Variants in ZMAT4 observed in about 807,000 individuals in gnomAD.
ZMAT4 encodes the protein zinc finger matrin-type protein 4.
Under a neutral mutation model 28.7 loss-of-function variants are expected in ZMAT4, and 17 were observed. That is an observed-to-expected ratio of 0.59 (90% CI 0.41 to 0.89). The LOEUF (loss-of-function observed/expected upper bound fraction) is 0.89, where lower values mean the gene tolerates loss of function less well. Among genes scored for constraint, ZMAT4 ranks in the 40% least tolerant of loss-of-function variants. The pLI is 0.00. For synonymous variants in ZMAT4, 117 were observed against 109.2 expected, an observed-to-expected ratio of 1.07 and a Z score of -0.44; for missense variants, 240 against 283.8, an observed-to-expected ratio of 0.85 and a Z score of 1.11.
intron 2 of ZMAT4, among the ~76,000 whole-genome samples, chr8:40,812,055 T>A (rs757791869): frequency 1.3e-5 from 2 of 152,174 alleles, no homozygotes; most frequent in Non-Finnish European, 2.9e-5. Context: ...TGCTTGAATT[T>A]GGGCGGCAGA....
chr8:40,534,782 A>G (rs1030084914), intron 6 of ZMAT4, among the ~76,000 whole-genome samples: 1 of 150,286 alleles, frequency 6.7e-6, no homozygotes, highest in Admixed American at 6.7e-5. Flanking sequence ...TCCCAGGTTC[A>G]AGCAATTCTC....
At chr8:40,772,936 G>A (rs1401088335) in intron 2 of ZMAT4, among the ~76,000 whole-genome samples, 1 of 152,146 alleles carries the variant, frequency 6.6e-6, no homozygotes, top group Non-Finnish European at 1.5e-5. Flanking sequence ...GATGCGAGAT[G>A]AGGGACTCCA....
At chr8:40,667,825 T>A (rs1410750132) in intron 5 of ZMAT4, among the ~76,000 whole-genome samples, 7 of 127,610 alleles carry the variant, frequency 5.5e-5, no homozygotes, top group Admixed American at 8.8e-5. Context: ...CAGCATAAGG[T>A]CCATTATTTA....
At chr8:40,753,739 T>G (rs1585995970) in intron 3 of ZMAT4, among the ~76,000 whole-genome samples, 1 of 152,216 alleles carries the variant, frequency 6.6e-6, no homozygotes, top group Non-Finnish European at 1.5e-5. Flanking sequence ...GTTTGAATCT[T>G]GGCTGTATCA....
chr8:40,717,022 T>C (rs1810887544), intron 3 of ZMAT4, among the ~76,000 whole-genome samples: 1 of 152,218 alleles, frequency 6.6e-6, no homozygotes, highest in Admixed American at 6.5e-5. Context: ...TGTCCTCCTA[T>C]GAAAAGTTCT....
chr8:40,717,513 T>A (rs1237159915), intron 3 of ZMAT4, among the ~76,000 whole-genome samples: 1 of 151,836 alleles, frequency 6.6e-6, no homozygotes, highest in Non-Finnish European at 1.5e-5. Flanking sequence ...AAAAAATAAC[T>A]AGCCAGGTGT....
intron 1 of ZMAT4, among the ~76,000 whole-genome samples, chr8:40,849,351 A>G (rs1344667301): frequency 3.9e-5 from 6 of 152,160 alleles, no homozygotes; most frequent in Non-Finnish European, 8.8e-5. Flanking sequence ...TCCTTTCATT[A>G]TTTACTCGTA....
chr8:40,814,726 A>C (rs1200862792), intron 2 of ZMAT4, among the ~76,000 whole-genome samples: 1 of 152,248 alleles, frequency 6.6e-6, no homozygotes. Flanking sequence ...AGAAAATTGG[A>C]AAGTGGTTTC....
At chr8:40,651,999 T>C (rs1281538861) in intron 5 of ZMAT4, among the ~76,000 whole-genome samples, 4 of 84,370 alleles carry the variant, frequency 4.7e-5, no homozygotes, top group African/African-American at 1.5e-4. Context: ...ACCTAGGCAT[T>C]ACCATTCAGG....
At chr8:40,695,819 C>T (rs1038609370) in intron 4 of ZMAT4, among the ~76,000 whole-genome samples, 1 of 117,896 alleles carries the variant, frequency 8.5e-6, no homozygotes, top group Non-Finnish European at 1.7e-5. Context: ...AAGAATAACT[C>T]TCCCATTTGC....
At chr8:40,564,856 GAC>G (rs1410329249) in intron 6 of ZMAT4, among the ~76,000 whole-genome samples, 6 of 152,094 alleles carry the variant, frequency 3.9e-5, no homozygotes, top group Admixed American at 3.9e-4. Flanking sequence ...TTAATCAGAA[GAC>G]ACAGGAATAA....
chr8:40,566,330 A>G (rs1364351972), intron 6 of ZMAT4, among the ~76,000 whole-genome samples: 2 of 152,164 alleles, frequency 1.3e-5, no homozygotes, highest in Non-Finnish European at 2.9e-5. Flanking sequence ...TGCCTCTCCA[A>G]TGTGCACATA....
intron 3 of ZMAT4, among the ~76,000 whole-genome samples, chr8:40,716,741 G>A (rs1047359279): frequency 5.9e-5 from 9 of 152,248 alleles, no homozygotes; most frequent in African/African-American, 1.9e-4. Flanking sequence ...GGGTCCAAAT[G>A]TCTCGCCCTC....
chr8:40,641,215 T>C (rs1807013024), intron 5 of ZMAT4, among the ~76,000 whole-genome samples: 1 of 152,178 alleles, frequency 6.6e-6, no homozygotes, highest in South Asian at 2.1e-4. Flanking sequence ...TGGATAAAAG[T>C]GTAGCAAAGG....
chr8:40,846,138 C>T (rs1194005770), intron 1 of ZMAT4, among the ~76,000 whole-genome samples: 9 of 152,206 alleles, frequency 5.9e-5, no homozygotes, highest in Admixed American at 5.9e-4. Flanking sequence ...GAGATAGCAA[C>T]TATTTGTACA....
intron 1 of ZMAT4, among the ~76,000 whole-genome samples, chr8:40,848,820 T>C (rs1816999094): frequency 6.6e-6 from 1 of 152,236 alleles, no homozygotes; most frequent in Non-Finnish European, 1.5e-5. Flanking sequence ...GGGGTGGTTG[T>C]ATAATTCTTT....
rs534348533 is a variant in ZMAT4, at chr8:40,553,620, C to T, written c.675-21382G>A. ...ATTTCATGCCTGATATCATTTCATC[C>T]TTACAATAATTCCACTGGAGAAGTA... On this transcript the variant is annotated intron_variant, in intron 6 of 6. Transcript: ENST00000297737. Among the ~76,000 whole-genome samples the T allele has an allele frequency of 9.2e-5, 14 of 152,256 alleles. No individual in the cohort carries two copies. In the East Asian group the frequency reaches 2.7e-3, roughly 29 times the overall value.
At chr8:40,807,098 A>G (rs1815113643) in intron 2 of ZMAT4, among the ~76,000 whole-genome samples, 1 of 150,238 alleles carries the variant, frequency 6.7e-6, no homozygotes. Context: ...AGAGAGCAAG[A>G]TAAAACTCTC....
At chr8:40,607,682 T>C (rs1805645489) in intron 5 of ZMAT4, among the ~76,000 whole-genome samples, 3 of 152,152 alleles carry the variant, frequency 2.0e-5, no homozygotes, top group Admixed American at 1.3e-4. Context: ...GATCTCCAGT[T>C]CAAGGGGTGC....
Sources: allele counts gnomAD v4.1 joint callset (sites outside exome capture counted in the v4.1 genomes callset), GRCh38; gene constraint gnomAD v4.1.1; transcripts MANE v1.5; gene names NCBI Gene and HGNC (gene_info 2026-07-23, HGNC 2026-07-21).